Variants in ACTL6A observed in about 807,000 individuals in gnomAD.
ACTL6A encodes actin-like protein 6A.
A neutral mutation model predicts 59.2 loss-of-function variants in ACTL6A; 5 were observed. That is an observed-to-expected ratio of 0.08 (90% CI 0.04 to 0.18). The LOEUF (loss-of-function observed/expected upper bound fraction) is 0.18. Ranked by LOEUF, ACTL6A falls within the 10% of genes least tolerant of loss-of-function variation. ACTL6A has a pLI of 1.00. For missense variants in ACTL6A, 285 were observed against 526.9 expected (o/e 0.54, Z 4.49); for synonymous variants, 154 against 171.8 (o/e 0.90, Z 0.81).
Position 179,576,244 on chromosome 3 carries a change from G to C in ACTL6A, c.504G>C (p.Leu168=). The C allele has an allele frequency of 6.2e-7, 1 of 1,613,734 alleles. No individual in the cohort carries two copies. The highest frequency in any genetic ancestry group is 1.1e-5 in the South Asian group (1 of 91,024). The change falls in exon 6 of 14, where the codon CTG becomes CTC. Residue 168 remains leucine, a synonymous_variant. Transcript: ENST00000429709. ...TAFANGRSTG[L]ILDSGATHTT... is the part of the protein sequence containing the mutation. ...TTGCTAATGGTCGTTCTACTGGGCT[G>C]ATTTTGGACAGTGGAGCCACTCATA...
chr3:179,567,192 C>A (rs568182845), intron 1 of ACTL6A, among the ~76,000 whole-genome samples: 5 of 152,188 alleles, frequency 3.3e-5, no homozygotes, highest in African/African-American at 1.2e-4. Flanking sequence ...ATGGTGAAAC[C>A]CCATGTCTAC....
Position 179,573,446 on chromosome 3 carries a change from C to T in ACTL6A, c.355C>T (p.Pro119Ser). 4 of 1,584,676 alleles carry T rather than the reference C, an allele frequency of 2.5e-6. No individual in the cohort carries two copies. Among genetic ancestry groups the T allele is most frequent in the Non-Finnish European group, 3.4e-6 (4 of 1,169,520 alleles). Residue 119 changes from proline to serine, a missense_variant, in exon 4 of 14, where the codon CCT (proline) becomes TCT (serine). Pro to Ser is a moderately conservative substitution (Grantham distance 74). Transcript: ENST00000429709. ...MHVKSEASLH[P>S]VLMSEAPWNT... is the part of the protein sequence containing the mutation. ...TGTCAAATCAGAAGCCAGTCTCCAT[C>T]CTGTTCTCATGTCAGAGGCACCGGT...
At chr3:179,563,753 T>G (rs1717745390) in intron 1 of ACTL6A, among the ~76,000 whole-genome samples, 1 of 152,180 alleles carries the variant, frequency 6.6e-6, no homozygotes, top group South Asian at 2.1e-4. Flanking sequence ...CGGGTCTGTT[T>G]GAGATCAATT....
Position 179,580,969 on chromosome 3 carries a change from A to T in ACTL6A, c.906A>T (p.Leu302=), listed in dbSNP as rs778872252. The change falls in exon 10 of 14, where the codon CTA becomes CTT. Residue 302 remains leucine, a synonymous_variant. Transcript: ENST00000429709. ...ATTGTGATTTTGGTGCAGAGCGGCT[A>T]AAGATTCCAGAAGGATTATTTGACC... ...GYNCDFGAER[L]KIPEGLFDPS... 3 of 1,585,658 alleles carry T rather than the reference A, an allele frequency of 1.9e-6. No individual in the cohort carries two copies. The highest frequency in any genetic ancestry group is 4.1e-5 in the Admixed American group (2 of 49,098).
chr3:179,568,169 C>A, intron 1 of ACTL6A, among the ~76,000 whole-genome samples: 1 of 136,484 alleles, frequency 7.3e-6, no homozygotes. Context: ...AGCAAGACTC[C>A]GTGTCAAAAA....
chr3:179,563,724 C>T (rs1381180387), intron 1 of ACTL6A, among the ~76,000 whole-genome samples: 1 of 152,216 alleles, frequency 6.6e-6, no homozygotes, highest in South Asian at 2.1e-4. Context: ...GCTGCGGAGT[C>T]TCCAGAGTGA....
In ACTL6A at chr3:179,581,532, C is replaced by T. The variant is rs965372957; in HGVS notation, c.1026+312C>T. ...TGTGGCTAGTGGCTGCATCAGACAG[C>T]GCAGATATAGAACATTTGCATCATC... is the stretch of plus-strand genomic sequence containing the variant. On this transcript the variant is annotated intron_variant, in intron 11 of 13. Coordinates refer to ENST00000429709, the MANE Select transcript of ACTL6A (RefSeq NM_004301.5). Among the ~76,000 whole-genome samples the T allele has an allele frequency of 5.9e-5, 9 of 152,252 alleles. No homozygotes were observed. In the East Asian group the frequency reaches 9.6e-4, roughly 16 times the overall value.
chr3:179,575,987 C>T (rs898261951), intron 5 of ACTL6A, among the ~76,000 whole-genome samples: 1 of 152,194 alleles, frequency 6.6e-6, no homozygotes, highest in Non-Finnish European at 1.5e-5. Context: ...ATAAAGGTTT[C>T]CCTGAGTGCC....
rs201684609 is a variant in ACTL6A, at chr3:179,579,451, C to CAT, written c.769-1185_769-1184dup. 4.5e-3 allele frequency among the ~76,000 whole-genome samples: 618 copies of CAT among 137,482 alleles called. 5 individuals are homozygous for CAT. The highest frequency in any genetic ancestry group is 0.042 in the Middle Eastern group (12 of 286). 90.2% of individuals were successfully genotyped at this position (137,482 alleles called of 152,430 possible). The stretch of plus-strand genomic sequence containing the variant: ...TTTTTAAAAATTATTTTATTTATAT[C>CAT]ATATACACACACACACACACACACA... On this transcript the variant is annotated intron_variant, in intron 8 of 13. Coordinates refer to ENST00000429709, the MANE Select transcript of ACTL6A (RefSeq NM_004301.5).
intron 1 of ACTL6A, among the ~76,000 whole-genome samples, chr3:179,566,782 C>A (rs1198346667): frequency 1.3e-5 from 2 of 152,080 alleles, no homozygotes; most frequent in Non-Finnish European, 2.9e-5. Context: ...CTCCGCCTGC[C>A]GGGTTCAAGC....
chr3:179,577,690 TCTC>T (rs1207120983), intron 8 of ACTL6A, among the ~76,000 whole-genome samples: 3 of 152,166 alleles, frequency 2.0e-5, no homozygotes, highest in Admixed American at 1.3e-4. Flanking sequence ...GTCCATGTGT[TCTC>T]ATCATCTAGC....
Position 179,581,178 on chromosome 3 carries a change from T to C in ACTL6A, c.984T>C (p.Val328=). ...ACACAATGTTAGGAGTCAGTCATGT[T>C]GTCACCACAAGTGTTGGGATGTGTG... ...SGNTMLGVSH[V]VTTSVGMCDI... is the part of the protein sequence containing the mutation. The change falls in exon 11 of 14, where the codon GTT becomes GTC. Residue 328 remains valine, a synonymous_variant. Transcript: ENST00000429709. 6.2e-7 allele frequency: 1 copy of C among 1,614,084 alleles called. No homozygotes were observed. Among genetic ancestry groups the C allele is most frequent in the East Asian group, 2.2e-5 (1 of 44,872 alleles).
intron 3 of ACTL6A, among the ~76,000 whole-genome samples, chr3:179,571,458 G>A (rs1718006857): frequency 6.6e-6 from 1 of 151,120 alleles, no homozygotes; most frequent in African/African-American, 2.4e-5. Context: ...GCTTATCAGG[G>A]ATAGCCAAAA....
intron 1 of ACTL6A, among the ~76,000 whole-genome samples, chr3:179,565,175 C>A (rs537788827): frequency 5.3e-5 from 8 of 151,898 alleles, no homozygotes; most frequent in Admixed American, 5.2e-4. Context: ...GGGCCGGGTG[C>A]GGTGTAATCC....
At chr3:179,568,544 CGT>C (rs140014395) in intron 1 of ACTL6A, among the ~76,000 whole-genome samples, 19 of 146,824 alleles carry the variant, frequency 1.3e-4, no homozygotes, top group South Asian at 4.3e-4. Context: ...TTTTTTGAGA[CGT>C]GTGTGTGTGT....
chr3:179,581,637 C>T (rs1317403289), intron 11 of ACTL6A, among the ~76,000 whole-genome samples: 4 of 152,192 alleles, frequency 2.6e-5, no homozygotes, highest in Admixed American at 2.6e-4. Context: ...GATTTTCTTA[C>T]AGATAGCACA....
rs1034157780 is a variant in ACTL6A at position 179,580,689 on chromosome 3, C to T, written c.818C>T (p.Thr273Ile). The change falls in exon 9 of 14, where the codon ACT becomes ATT. Residue 273 changes from threonine (T) to isoleucine (I), a missense_variant. By Grantham distance (89) the Thr-to-Ile change is moderately conservative. Transcript: ENST00000429709. ...TCGGTACTTCAAGTGTCAGATTCAA[C>T]TTATGATGAACAGTATGTTTTCTTA... The part of the protein sequence containing the change: ...QASVLQVSDS[T>I]YDEQVAAQMP... 1.2e-6 allele frequency: 2 copies of T among 1,605,128 alleles called. No homozygotes were observed. The highest frequency in any genetic ancestry group is 2.2e-5 in the East Asian group (1 of 44,622).
rs76651042 is a variant in ACTL6A at position 179,567,103 on chromosome 3, C to T, written c.26-2721C>T. Reference sequence around the variant, plus strand: ...TGGTTTCACCGGGCATGGTAGCTCACGTCTATAATCCTAGCACTTTGGGAG... The same window carrying T: ...TGGTTTCACCGGGCATGGTAGCTCATGTCTATAATCCTAGCACTTTGGGAG... On this transcript the variant is annotated intron_variant, in intron 1 of 13. Coordinates refer to ENST00000429709, the MANE Select transcript of ACTL6A (RefSeq NM_004301.5). Among the ~76,000 whole-genome samples, 69 of 152,270 alleles carry T rather than the reference C, an allele frequency of 4.5e-4. 1 individual carries two copies. The East Asian group carries it at 6.6e-3, about 14-fold the overall frequency.
At chr3:179,586,467 GAAAAAAAAA>G (rs1169987638) in intron 12 of ACTL6A, 70 bp from the exon 13 acceptor site, 32 of 749,712 alleles carry the variant, frequency 4.3e-5, no homozygotes, top group Non-Finnish European at 5.9e-5. Flanking sequence ...GTCTCTATTT[GAAAAAAAAA>G]AAAAAAAAAA....
Sources: gnomAD v4.1 joint callset for allele counts (sites outside exome capture counted in the v4.1 genomes callset) on GRCh38, gnomAD v4.1.1 for gene constraint, MANE v1.5 for transcripts, NCBI Gene and HGNC (gene_info 2026-07-23, HGNC 2026-07-21) for gene names.